The following ARID5B variants were observed in gnomAD, a reference collection of about 807,000 sequenced individuals.
ARID5B encodes the protein AT-rich interaction domain 5B, also known as AT-rich interactive domain-containing protein 5B.
In ARID5B, 13 loss-of-function variants were observed where a neutral mutation model predicts 97.2. The ratio of observed to expected loss-of-function variants is 0.13; its 90% CI spans 0.09 to 0.21. The LOEUF is 0.21. Among genes scored for constraint, ARID5B ranks in the 10% least tolerant of loss-of-function variants. The pLI is 1.00. For synonymous variants in ARID5B, 556 were observed against 570.3 expected (o/e 0.97, Z 0.36); for missense variants, 1,210 against 1,465.3 (o/e 0.83, Z 2.84).
intron 2 of ARID5B, among the ~76,000 whole-genome samples, chr10:61,917,968 A>G (rs779898444): frequency 6.6e-6 from 1 of 152,152 alleles, no homozygotes; most frequent in Non-Finnish European, 1.5e-5. Context: ...GGCCCTTGAA[A>G]ACACCTAGGG....
At chr10:62,029,587 C>G (rs1282327358) in intron 4 of ARID5B, among the ~76,000 whole-genome samples, 1 of 152,166 alleles carries the variant, frequency 6.6e-6, no homozygotes, top group Non-Finnish European at 1.5e-5. Context: ...AATCATTTCC[C>G]CTAATTTACA....
At chr10:61,926,533 G>A (rs1471429233) in intron 2 of ARID5B, among the ~76,000 whole-genome samples, 1 of 152,136 alleles carries the variant, frequency 6.6e-6, no homozygotes, top group Admixed American at 6.5e-5. Flanking sequence ...TGAGTTTTCT[G>A]CAGCTGTGTC....
At chr10:61,927,898 C>T (rs1029156847) in intron 2 of ARID5B, among the ~76,000 whole-genome samples, 10 of 152,202 alleles carry the variant, frequency 6.6e-5, no homozygotes, top group Non-Finnish European at 1.5e-5. Flanking sequence ...ATCAGGGCCA[C>T]TCCTTTCTTT....
chr10:61,928,109 A>G (rs1385535861), intron 2 of ARID5B, among the ~76,000 whole-genome samples: 1 of 152,016 alleles, frequency 6.6e-6, no homozygotes, highest in Non-Finnish European at 1.5e-5. Flanking sequence ...AGGAAGAGTC[A>G]TTGTGTTTGG....
At chr10:62,050,723 G>A (rs985958043) in intron 4 of ARID5B, among the ~76,000 whole-genome samples, 165 bp from the exon 5 acceptor site, 1 of 152,210 alleles carries the variant, frequency 6.6e-6, no homozygotes, top group Non-Finnish European at 1.5e-5. Context: ...CTACCAATAT[G>A]CAAGCCTTCA....
chr10:62,016,724 A>T (rs1047947047), intron 4 of ARID5B, among the ~76,000 whole-genome samples: 1 of 152,218 alleles, frequency 6.6e-6, no homozygotes, highest in Non-Finnish European at 1.5e-5. Context: ...GTTGCTAATA[A>T]TGAGTGGAAG....
At chr10:61,959,293 A>C (rs1249806012) in intron 3 of ARID5B, among the ~76,000 whole-genome samples, 1 of 152,222 alleles carries the variant, frequency 6.6e-6, no homozygotes, top group African/African-American at 2.4e-5. Flanking sequence ...AAAATCACAG[A>C]ATTCACCTTG....
chr10:62,090,760 C>T, intron 9 of ARID5B, 102 bp from the exon 10 acceptor site: 1 of 1,405,790 alleles, frequency 7.1e-7, no homozygotes, highest in Non-Finnish European at 9.5e-7. Context: ...GATTGACAAG[C>T]CTGTTTTCAA....
At chr10:62,009,577 G>A (rs375970255) in intron 4 of ARID5B, among the ~76,000 whole-genome samples, 1 of 152,122 alleles carries the variant, frequency 6.6e-6, no homozygotes, top group African/African-American at 2.4e-5. Flanking sequence ...TGAAGTAGGG[G>A]TTAGCAAAGC....
At chr10:61,927,843 G>A (rs962761170) in intron 2 of ARID5B, among the ~76,000 whole-genome samples, 1 of 152,172 alleles carries the variant, frequency 6.6e-6, no homozygotes, top group Non-Finnish European at 1.5e-5. Context: ...AAAGAAACGA[G>A]AAGGGATAAA....
At chr10:61,911,738 T>C (rs181814064) in intron 2 of ARID5B, among the ~76,000 whole-genome samples, 12 of 152,300 alleles carry the variant, frequency 7.9e-5, no homozygotes, top group African/African-American at 2.9e-4. Context: ...CTCATGCTCT[T>C]GGGGCTTGGG....
At chr10:62,052,956 G>A (rs1839810568) in intron 5 of ARID5B, among the ~76,000 whole-genome samples, 1 of 152,182 alleles carries the variant, frequency 6.6e-6, no homozygotes, top group Non-Finnish European at 1.5e-5. Context: ...TGCTTCCAGT[G>A]GGTCTGGCAA....
Position 62,094,639 on chromosome 10 carries a change from T to A in ARID5B, c.*1609T>A, listed in dbSNP as rs1402804392. The A allele has an allele frequency of 4.3e-6, 1 of 230,782 alleles. No homozygotes were observed. The highest frequency in any genetic ancestry group is 2.2e-5 in the African/African-American group (1 of 45,220). The allele number at this position is 230,782 out of a possible 1,614,324, so 14.3% of individuals were successfully genotyped here. Reference sequence around the variant, plus strand: ...ATTCTTGCCACTGTATTCCATTTGCTACCGAGATATAACATTAAGGTGGAC... The same window carrying A: ...ATTCTTGCCACTGTATTCCATTTGCAACCGAGATATAACATTAAGGTGGAC... On this transcript the variant is annotated 3_prime_UTR_variant, in exon 10 of 10. Transcript: ENST00000279873.
intron 4 of ARID5B, among the ~76,000 whole-genome samples, chr10:62,007,543 G>A (rs1409204002): frequency 6.6e-6 from 1 of 152,140 alleles, no homozygotes; most frequent in Non-Finnish European, 1.5e-5. Context: ...CAGGACTATT[G>A]TGAAGATTAA....
chr10:61,932,389 TTTTTTC>T (rs1204699861), intron 2 of ARID5B, among the ~76,000 whole-genome samples: 18 of 151,782 alleles, frequency 1.2e-4, no homozygotes, highest in South Asian at 6.2e-4. Context: ...TGGCAATTCC[TTTTTTC>T]TTTTTCTTTT....
chr10:61,938,112 G>C (rs1844337669), intron 2 of ARID5B, among the ~76,000 whole-genome samples: 1 of 152,150 alleles, frequency 6.6e-6, no homozygotes, highest in African/African-American at 2.4e-5. Flanking sequence ...GGGAGAAAAA[G>C]GGAGGACAAA....
intron 3 of ARID5B, among the ~76,000 whole-genome samples, chr10:61,943,731 C>G (rs1042731652): frequency 2.0e-5 from 3 of 151,746 alleles, no homozygotes; most frequent in Non-Finnish European, 4.4e-5. Flanking sequence ...TCCTGTCTCT[C>G]TCTGAATAGT....
intron 4 of ARID5B, chr10:62,049,390 C>T (rs1354345124): frequency 1.3e-6 from 2 of 1,549,238 alleles, no homozygotes; most frequent in Non-Finnish European, 1.7e-6. Context: ...CACACCAAGT[C>T]GAGACTTCCA....
chr10:61,979,270 A>T (rs986261881), intron 3 of ARID5B, among the ~76,000 whole-genome samples: 1 of 152,216 alleles, frequency 6.6e-6, no homozygotes, highest in Non-Finnish European at 1.5e-5. Flanking sequence ...AACTTTTGGC[A>T]TTGTGGAACA....
Sources: gnomAD v4.1 joint callset for allele counts (sites outside exome capture counted in the v4.1 genomes callset) on GRCh38, gnomAD v4.1.1 for gene constraint, MANE v1.5 for transcripts, NCBI Gene and HGNC (gene_info 2026-07-23, HGNC 2026-07-21) for gene names.